Variants in UBE2R2 observed in about 807,000 individuals in gnomAD.
UBE2R2 encodes ubiquitin conjugating enzyme E2 R2, also known as ubiquitin-conjugating enzyme E2 R2.
A neutral mutation model predicts 27.8 loss-of-function variants in UBE2R2; 1 was observed. The observed-to-expected ratio is 0.04, with a 90% CI of 0.01 to 0.17. UBE2R2 has a LOEUF of 0.17. UBE2R2 is among the 10% of genes least tolerant of loss of function. UBE2R2 has a pLI of 1.00. For synonymous variants in UBE2R2, 106 were observed against 113.3 expected (o/e 0.94, Z 0.41); for missense variants, 100 against 291.0 (o/e 0.34, Z 4.78).
chr9:33,903,866 T>G (rs1260177707), intron 3 of UBE2R2, among the ~76,000 whole-genome samples: 1 of 152,218 alleles, frequency 6.6e-6, no homozygotes, highest in East Asian at 1.9e-4. Context: ...CTACAACTAG[T>G]TATGTGGAGT....
At chr9:33,915,129 C>CAAA (rs552572059) in intron 4 of UBE2R2, among the ~76,000 whole-genome samples, 3 of 107,386 alleles carry the variant, frequency 2.8e-5, no homozygotes, top group African/African-American at 7.4e-5. Context: ...GACCTTGTCT[C>CAAA]AAAAAAAAAA....
intron 1 of UBE2R2, among the ~76,000 whole-genome samples, chr9:33,849,205 C>T (rs1820911101): frequency 6.6e-6 from 1 of 151,946 alleles, no homozygotes; most frequent in African/African-American, 2.4e-5. Context: ...TGCGGTGAGC[C>T]GAGATCTCGC....
chr9:33,817,639 G>T lies in UBE2R2; in HGVS notation c.-119G>T. On this transcript the variant is annotated 5_prime_UTR_variant, in exon 1 of 5. Coordinates refer to ENST00000263228, the MANE Select transcript of UBE2R2 (RefSeq NM_017811.4). ...TGGTCTGGCCCGCCGGGTGTGTGAA[G>T]ACCGGGGCCCGGTGCTGCCCGGCCG... 1 of 1,114,480 alleles carries T rather than the reference G, an allele frequency of 9.0e-7. No homozygotes were observed. Among genetic ancestry groups the T allele is most frequent in the South Asian group, 4.2e-5 (1 of 23,878 alleles). 69.0% of individuals were successfully genotyped at this position (1,114,480 alleles called of 1,614,324 possible).
At chr9:33,874,615 A>G (rs1821564133) in intron 1 of UBE2R2, among the ~76,000 whole-genome samples, 1 of 150,360 alleles carries the variant, frequency 6.7e-6, no homozygotes, top group African/African-American at 2.5e-5. Context: ...CCTCCATTTT[A>G]TTTTGTAATT....
chr9:33,877,913 G>A (rs111426067), intron 1 of UBE2R2, among the ~76,000 whole-genome samples: 29,147 of 149,508 alleles, frequency 0.19, 3,103 homozygotes, highest in South Asian at 0.33. Context: ...CTGCCATCAC[G>A]CCCAGCTAAT....
At position 33,903,225 on chromosome 9, in the gene UBE2R2, G is replaced by GT. The variant is rs780839626; in HGVS notation, c.362+2959dup. On this transcript the variant is annotated intron_variant, in intron 3 of 4. Coordinates refer to ENST00000263228, the MANE Select transcript of UBE2R2 (RefSeq NM_017811.4). ...TTATAATTAGACAATGTGTATAAAA[G>GT]TTTTTAAAAAATATTTTGGATGATT... Among the ~76,000 whole-genome samples the GT allele has an allele frequency of 7.9e-5, 12 of 152,242 alleles. No individual in the cohort carries two copies. In the East Asian group the frequency reaches 2.1e-3, roughly 27 times the overall value.
In UBE2R2 at chr9:33,840,794, G is replaced by GT. The variant is rs538257541; in HGVS notation, c.177+22862dup. Among the ~76,000 whole-genome samples, 8 of 152,162 alleles carry GT rather than the reference G, an allele frequency of 5.3e-5. No homozygotes were observed. The South Asian group carries it at 1.7e-3, about 32-fold the overall frequency. On this transcript the variant is annotated intron_variant, in intron 1 of 4. Coordinates refer to ENST00000263228, the MANE Select transcript of UBE2R2 (RefSeq NM_017811.4). The stretch of plus-strand genomic sequence containing the variant: ...GATGCTTCTGCTTACCTGCTGTTCA[G>GT]TTATCCAGTGGCACAGTTATATAGG...
At chr9:33,837,874 T>C (rs971744015) in intron 1 of UBE2R2, among the ~76,000 whole-genome samples, 7 of 152,324 alleles carry the variant, frequency 4.6e-5, no homozygotes, top group Non-Finnish European at 8.8e-5. Flanking sequence ...TTTTGATGTC[T>C]TGATCATGGT....
chr9:33,862,328 C>T (rs1821258771), intron 1 of UBE2R2, among the ~76,000 whole-genome samples: 1 of 152,128 alleles, frequency 6.6e-6, no homozygotes, highest in Admixed American at 6.6e-5. Context: ...GGTTGTCATA[C>T]ACACCTCATA....
chr9:33,896,329 C>T (rs1463574973), intron 2 of UBE2R2, among the ~76,000 whole-genome samples: 1 of 152,024 alleles, frequency 6.6e-6, no homozygotes. Context: ...ATTTCCAGTA[C>T]AATGTTAAAT....
rs375064497 is a variant in UBE2R2, at chr9:33,906,243, C to T, written c.363-5721C>T. Among the ~76,000 whole-genome samples, 33 of 152,306 alleles carry T rather than the reference C, an allele frequency of 2.2e-4. No individual in the cohort carries two copies. The East Asian group carries it at 6.4e-3, about 29-fold the overall frequency. On this transcript the variant is annotated intron_variant, in intron 3 of 4. Transcript: ENST00000263228. ...GTTCAAGCAATTCTCCTGCCTCAGCCTCCCAAGTACTTGGGATTACAGGCA... is the reference window on the plus strand; with the variant it reads ...GTTCAAGCAATTCTCCTGCCTCAGCTTCCCAAGTACTTGGGATTACAGGCA...
rs550540528 is a variant in UBE2R2 at position 33,863,661 on chromosome 9, G to A, written c.178-23220G>A. On this transcript the variant is annotated intron_variant, in intron 1 of 4. Transcript: ENST00000263228. ...TATATTAAGGACATTCTAATATGGG[G>A]CAAAACTGATGGCTAATTTTATTGG... is the stretch of plus-strand genomic sequence containing the variant. 4.6e-5 allele frequency among the ~76,000 whole-genome samples: 7 copies of A among 152,202 alleles called. No individual in the cohort carries two copies. In the South Asian group the frequency reaches 1.5e-3, roughly 32 times the overall value.
intron 4 of UBE2R2, among the ~76,000 whole-genome samples, chr9:33,913,703 A>AT (rs1822556157): frequency 6.6e-6 from 1 of 152,242 alleles, no homozygotes; most frequent in Non-Finnish European, 1.5e-5. Flanking sequence ...AGACCATGTG[A>AT]TATGAAAAAA....
chr9:33,862,148 C>T (rs189304348), intron 1 of UBE2R2, among the ~76,000 whole-genome samples: 79 of 152,096 alleles, frequency 5.2e-4, no homozygotes, highest in Non-Finnish European at 8.5e-4. Context: ...CCACCGTGCC[C>T]GGCCTGTTGA....
intron 1 of UBE2R2, among the ~76,000 whole-genome samples, chr9:33,844,006 A>G (rs1238918913): frequency 1.3e-5 from 2 of 152,224 alleles, no homozygotes; most frequent in African/African-American, 4.8e-5. Context: ...TTCTATAATG[A>G]TAGTTGAGGT....
chr9:33,874,450 T>C lies in UBE2R2; in HGVS notation c.178-12431T>C, dbSNP rs186796824. ...CTTTAAATGCCCCATTCTTCCTCCG[T>C]TGCCCTCTGTTCCTGAGCTGATCAT... is the stretch of plus-strand genomic sequence containing the variant. On this transcript the variant is annotated intron_variant, in intron 1 of 4. Coordinates refer to ENST00000263228, the MANE Select transcript of UBE2R2 (RefSeq NM_017811.4). Among the ~76,000 whole-genome samples, 366 of 152,254 alleles carry C rather than the reference T, an allele frequency of 2.4e-3. 2 individuals carry two copies. Among genetic ancestry groups the C allele is most frequent in the Non-Finnish European group, 3.1e-3 (210 of 68,030 alleles).
chr9:33,890,063 G>A (rs1044915646), intron 2 of UBE2R2, among the ~76,000 whole-genome samples: 4 of 152,052 alleles, frequency 2.6e-5, no homozygotes, highest in African/African-American at 9.7e-5. Flanking sequence ...AAAAGAAACA[G>A]AAAAATAGGA....
intron 2 of UBE2R2, among the ~76,000 whole-genome samples, chr9:33,897,564 T>C (rs10758234): frequency 0.41 from 61,390 of 150,294 alleles, 12,782 homozygotes; most frequent in African/African-American, 0.49. Context: ...GTGATCTGCC[T>C]GCCTCGGCCT....
chr9:33,889,781 T>A lies in UBE2R2; in HGVS notation c.264+2814T>A, dbSNP rs1395181352. On this transcript the variant is annotated intron_variant, in intron 2 of 4. Coordinates refer to ENST00000263228, the MANE Select transcript of UBE2R2 (RefSeq NM_017811.4). ...CAGCTCACTGCAACTTCTGCCTCCC[T>A]TCAAGGATTCTTTTGCCCCAGCCTC... is the stretch of plus-strand genomic sequence containing the variant. Among the ~76,000 whole-genome samples the A allele has an allele frequency of 2.6e-5, 4 of 152,124 alleles. No homozygotes were observed. In the South Asian group the frequency reaches 6.2e-4, roughly 24 times the overall value.
Sources: allele counts gnomAD v4.1 joint callset (sites outside exome capture counted in the v4.1 genomes callset), GRCh38; gene constraint gnomAD v4.1.1; transcripts MANE v1.5; gene names NCBI Gene and HGNC (gene_info 2026-07-23, HGNC 2026-07-21).